The following KCNH8 variants were observed in gnomAD, a reference collection of about 807,000 sequenced individuals.
KCNH8 encodes potassium voltage-gated channel subfamily H member 8, also known as voltage-gated delayed rectifier potassium channel KCNH8.
Under a neutral mutation model 103.6 loss-of-function variants are expected in KCNH8, and 70 were observed. That is an observed-to-expected ratio of 0.68 (90% CI 0.56 to 0.82). KCNH8 has a LOEUF of 0.82. Ranked by LOEUF, KCNH8 falls within the 40% of genes least tolerant of loss-of-function variation. KCNH8 has a pLI of 0.00. For missense variants in KCNH8, 1,217 were observed against 1,329.9 expected, an observed-to-expected ratio of 0.92 and a Z score of 1.32; for synonymous variants, 498 against 489.4, an observed-to-expected ratio of 1.02 and a Z score of -0.23.
intron 8 of KCNH8, among the ~76,000 whole-genome samples, chr3:19,443,338 C>T (rs868701743): frequency 2.0e-5 from 3 of 150,562 alleles, no homozygotes; most frequent in East Asian, 3.9e-4. Flanking sequence ...TGGGAACCCA[C>T]CAGAATTTCC....
At chr3:19,187,333 C>T (rs543508272) in intron 1 of KCNH8, among the ~76,000 whole-genome samples, 6 of 151,788 alleles carry the variant, frequency 4.0e-5, no homozygotes, top group African/African-American at 9.7e-5. Flanking sequence ...TATATATATA[C>T]TTGTGTACAT....
rs1449992295 is a variant in KCNH8 at position 19,398,993 on chromosome 3, T to C, written c.1177+3682T>C. 2.0e-5 allele frequency among the ~76,000 whole-genome samples: 3 copies of C among 152,006 alleles called. 1 individual carries two copies. The South Asian group carries it at 6.2e-4, about 31-fold the overall frequency. On this transcript the variant is annotated intron_variant, in intron 7 of 15. Transcript: ENST00000328405. ...GTAATTTATCTGTACCACCTTTCAA[T>C]TGGAAAGTCAGCCTCTGAAAAATGT...
chr3:19,488,225 CATTGAAAGT>C (rs2068250099), intron 11 of KCNH8, among the ~76,000 whole-genome samples: 1 of 152,188 alleles, frequency 6.6e-6, no homozygotes, highest in South Asian at 2.1e-4. Context: ...GCATTGGTTA[CATTGAAAGT>C]GTGGGCGATT....
intron 8 of KCNH8, among the ~76,000 whole-genome samples, chr3:19,444,408 G>T (rs1359684542): frequency 1.3e-5 from 2 of 151,926 alleles, no homozygotes; most frequent in East Asian, 1.9e-4. Context: ...CTTCTAAAAG[G>T]TAATATAGGA....
At chr3:19,423,592 A>C (rs890842220) in intron 7 of KCNH8, among the ~76,000 whole-genome samples, 1 of 152,018 alleles carries the variant, frequency 6.6e-6, no homozygotes, top group African/African-American at 2.4e-5. Flanking sequence ...AGGTTGCTGC[A>C]AATGCCATTA....
intron 5 of KCNH8, among the ~76,000 whole-genome samples, chr3:19,355,724 G>A (rs967815697): frequency 6.6e-6 from 1 of 151,908 alleles, no homozygotes; most frequent in Non-Finnish European, 1.5e-5. Context: ...CACACACCAG[G>A]GCCTGTCGTG....
intron 1 of KCNH8, among the ~76,000 whole-genome samples, chr3:19,182,472 C>A (rs58910899): frequency 0.069 from 10,525 of 152,148 alleles, 1,271 homozygotes; most frequent in African/African-American, 0.24. Flanking sequence ...CAGAGCTTGC[C>A]GTGAGCCAAG....
intron 8 of KCNH8, among the ~76,000 whole-genome samples, chr3:19,444,795 T>C (rs2067338263): frequency 6.6e-6 from 1 of 151,890 alleles, no homozygotes; most frequent in Non-Finnish European, 1.5e-5. Context: ...CAAAATTAGA[T>C]ACCATTTTTG....
intron 3 of KCNH8, among the ~76,000 whole-genome samples, chr3:19,285,159 TAA>T (rs1311636465): frequency 6.6e-6 from 1 of 151,742 alleles, no homozygotes; most frequent in East Asian, 1.9e-4. Flanking sequence ...TTAATTTAAT[TAA>T]ATTCATTTTA....
intron 1 of KCNH8, among the ~76,000 whole-genome samples, chr3:19,184,181 G>C (rs1188856429): frequency 1.3e-5 from 2 of 151,936 alleles, no homozygotes; most frequent in African/African-American, 2.4e-5. Context: ...CTGTAAATTG[G>C]ATAAGTAAAT....
At chr3:19,495,707 A>C (rs1172396613) in intron 11 of KCNH8, among the ~76,000 whole-genome samples, 1 of 151,652 alleles carries the variant, frequency 6.6e-6, no homozygotes, top group East Asian at 1.9e-4. Flanking sequence ...GTTTTGTACA[A>C]ATTTAAATTT....
intron 6 of KCNH8, among the ~76,000 whole-genome samples, chr3:19,392,866 G>A (rs1028163370): frequency 6.6e-6 from 1 of 152,010 alleles, no homozygotes; most frequent in Non-Finnish European, 1.5e-5. Flanking sequence ...TACCATCTGA[G>A]TAACTTATTT....
chr3:19,218,741 C>A (rs903873817), intron 1 of KCNH8, among the ~76,000 whole-genome samples: 1 of 152,142 alleles, frequency 6.6e-6, no homozygotes, highest in Non-Finnish European at 1.5e-5. Flanking sequence ...GGCCCTGCTC[C>A]CTCTGTTGGT....
chr3:19,353,075 A>G (rs1354696321), intron 5 of KCNH8, among the ~76,000 whole-genome samples: 3 of 152,218 alleles, frequency 2.0e-5, no homozygotes, highest in Non-Finnish European at 4.4e-5. Flanking sequence ...CCACAGATAT[A>G]CAAACTACCA....
intron 3 of KCNH8, among the ~76,000 whole-genome samples, chr3:19,300,953 A>G (rs2125289382): frequency 6.6e-6 from 1 of 151,840 alleles, no homozygotes; most frequent in African/African-American, 2.4e-5. Context: ...GCTACCTGAA[A>G]TGCTTTAGGG....
intron 15 of KCNH8, among the ~76,000 whole-genome samples, chr3:19,520,130 G>A (rs2068946905): frequency 6.7e-6 from 1 of 150,208 alleles, no homozygotes; most frequent in Middle Eastern, 3.2e-3. Flanking sequence ...TGCAGAATGT[G>A]CAGGTTTGTT....
At chr3:19,217,219 T>C (rs1244829017) in intron 1 of KCNH8, among the ~76,000 whole-genome samples, 4 of 152,196 alleles carry the variant, frequency 2.6e-5, no homozygotes. Context: ...TATTTCAGTT[T>C]ATTTAGATAC....
chr3:19,288,181 C>CT (rs767659898), intron 3 of KCNH8, among the ~76,000 whole-genome samples: 1,141 of 38,186 alleles, frequency 0.03, 71 homozygotes, highest in East Asian at 0.059. Context: ...TATCAAACTT[C>CT]TTTTTTTTTT....
At chr3:19,209,924 AT>A (rs1177914430) in intron 1 of KCNH8, among the ~76,000 whole-genome samples, 2 of 151,864 alleles carry the variant, frequency 1.3e-5, no homozygotes, top group African/African-American at 4.8e-5. Flanking sequence ...TTGGGAAGAG[AT>A]TTTTTTGGGG....
Sources: gnomAD v4.1 joint callset for allele counts (sites outside exome capture counted in the v4.1 genomes callset) on GRCh38, gnomAD v4.1.1 for gene constraint, MANE v1.5 for transcripts, NCBI Gene and HGNC (gene_info 2026-07-23, HGNC 2026-07-21) for gene names.